Variants in PRTG observed in about 807,000 individuals in gnomAD.
PRTG encodes the protein immunoglobulin superfamily, DCC subclass, member 5.
PRTG carries 67 observed loss-of-function variants against 122.5 expected under a neutral mutation model. The ratio of observed to expected loss-of-function variants is 0.55; its 90% CI spans 0.45 to 0.67. The LOEUF is 0.67. PRTG is among the 30% of genes least tolerant of loss of function. The probability of loss-of-function intolerance (pLI) is 0.00; values close to 1 mark genes in which losing one functional copy is unlikely to be tolerated. For synonymous variants in PRTG, 554 were observed against 501.1 expected (o/e 1.11, Z -1.41); for missense variants, 1,435 against 1,415.4 (o/e 1.01, Z -0.22).
At chr15:55,741,446 G>A (rs2031604488) in intron 1 of PRTG, among the ~76,000 whole-genome samples, 1 of 152,206 alleles carries the variant, frequency 6.6e-6, no homozygotes, top group South Asian at 2.1e-4. Flanking sequence ...AGGGATAGGA[G>A]ATCGCTTAAT....
intron 10 of PRTG, among the ~76,000 whole-genome samples, chr15:55,673,012 A>G (rs2059481655): frequency 6.6e-6 from 1 of 152,194 alleles, no homozygotes; most frequent in Non-Finnish European, 1.5e-5. Context: ...AGAAGGGTCT[A>G]GAATTTTGCA....
chr15:55,628,981 C>T lies in PRTG; in HGVS notation c.2647G>A (p.Glu883Lys). Residue 883 changes from glutamate (E) to lysine (K), a missense_variant, in exon 16 of 20, where the codon GAA becomes AAA. By Grantham distance (56) the Glu-to-Lys change is moderately conservative. Transcript: ENST00000389286. ...REGAITMALL[E>K]NLVAGNVYIV... ...TACACATTTCCTGCTACCAAGTTTT[C>T]TAGCAAAGCCATGGTTATTGCCCCT... is the stretch of plus-strand genomic sequence containing the variant. The T allele has an allele frequency of 6.2e-7, 1 of 1,611,558 alleles. No individual in the cohort carries two copies. Among genetic ancestry groups the T allele is most frequent in the Non-Finnish European group, 8.5e-7 (1 of 1,178,372 alleles).
chr15:55,624,270 G>C, intron 18 of PRTG, 72 bp downstream of exon 18: 2 of 1,360,184 alleles, frequency 1.5e-6, no homozygotes, highest in South Asian at 2.7e-5. Flanking sequence ...AATTTTGGGG[G>C]AAGTACATTT....
Position 55,620,787 on chromosome 15 carries a change from G to C in PRTG, c.3094-20C>G. On this transcript the variant is annotated intron_variant, in intron 18 of 19. Transcript: ENST00000389286. ...TCCTCCCTGAGGAAATAAAAGAGGG[G>C]AAATGTAAAATATCCTGGTATCACA... 6.4e-7 allele frequency: 1 copy of C among 1,566,918 alleles called. No individual in the cohort carries two copies. Among genetic ancestry groups the C allele is most frequent in the Non-Finnish European group, 8.6e-7 (1 of 1,157,808 alleles).
intron 2 of PRTG, among the ~76,000 whole-genome samples, chr15:55,694,126 A>C (rs2059619648): frequency 6.6e-6 from 1 of 152,220 alleles, no homozygotes; most frequent in South Asian, 2.1e-4. Context: ...TCAATGATGA[A>C]ATAATGGGAG....
intron 11 of PRTG, among the ~76,000 whole-genome samples, 188 bp from the exon 12 acceptor site, chr15:55,641,396 C>G (rs1402093519): frequency 6.6e-6 from 1 of 152,136 alleles, no homozygotes; most frequent in African/African-American, 2.4e-5. Flanking sequence ...GACTATCTAC[C>G]AATAATTTAC....
intron 15 of PRTG, among the ~76,000 whole-genome samples, chr15:55,631,545 T>TA (rs1176620106): frequency 5.9e-5 from 9 of 152,332 alleles, no homozygotes; most frequent in African/African-American, 2.2e-4. Flanking sequence ...ATTTCACAAA[T>TA]ACTGAAGTGA....
chr15:55,672,956 C>T (rs1177725758), intron 10 of PRTG, among the ~76,000 whole-genome samples: 3 of 151,992 alleles, frequency 2.0e-5, no homozygotes, highest in Admixed American at 6.6e-5. Context: ...TATTGTCAGC[C>T]AATTAACAAG....
chr15:55,733,991 G>A (rs1449935437), intron 2 of PRTG, among the ~76,000 whole-genome samples: 16 of 152,238 alleles, frequency 1.1e-4, no homozygotes, highest in African/African-American at 3.9e-4. Flanking sequence ...TACTACTTTC[G>A]GAAACATCAG....
chr15:55,646,069 C>T (rs767657683), intron 11 of PRTG, among the ~76,000 whole-genome samples: 16 of 151,848 alleles, frequency 1.1e-4, no homozygotes, highest in African/African-American at 2.9e-4. Context: ...TGCAGTGGTG[C>T]GATCCCAGCT....
intron 11 of PRTG, among the ~76,000 whole-genome samples, chr15:55,667,997 G>C (rs1236666982): frequency 3.3e-5 from 5 of 152,224 alleles, no homozygotes; most frequent in Non-Finnish European, 5.9e-5. Context: ...AGCTGAGGTA[G>C]GAGGATTGCT....
At position 55,617,169 on chromosome 15, in the gene PRTG, C is replaced by G. The variant is rs1308081449; in HGVS notation, c.*2843G>C. The G allele has an allele frequency of 6.6e-6, 1 of 151,778 alleles. No individual in the cohort carries two copies. The highest frequency in any genetic ancestry group is 2.4e-5 in the African/African-American group (1 of 41,342). The allele number at this position is 151,778 out of a possible 1,614,324, so 9.4% of individuals were successfully genotyped here. ...TTGATTTGGTCAAGTAAAAAGAAGT[C>G]TTTGCTGTATTACTAAATATCTTAT... On this transcript the variant is annotated 3_prime_UTR_variant, in exon 20 of 20. Coordinates refer to ENST00000389286, the MANE Select transcript of PRTG (RefSeq NM_173814.6).
In PRTG at chr15:55,621,177, C is replaced by T. The variant is rs557042715; in HGVS notation, c.3094-410G>A. On this transcript the variant is annotated intron_variant, in intron 18 of 19. Transcript: ENST00000389286. Reference sequence around the variant, plus strand: ...GGCCAGCCTGGCCAAGATGGTGAAACCCCGTCTCTACTAAAAATACAAAAA... The same window carrying T: ...GGCCAGCCTGGCCAAGATGGTGAAATCCCGTCTCTACTAAAAATACAAAAA... Among the ~76,000 whole-genome samples the T allele has an allele frequency of 3.3e-5, 5 of 152,082 alleles. No homozygotes were observed. In the South Asian group the frequency reaches 1.0e-3, roughly 32 times the overall value.
chr15:55,711,538 A>G (rs763591792), intron 2 of PRTG, among the ~76,000 whole-genome samples: 8 of 152,008 alleles, frequency 5.3e-5, no homozygotes, highest in Admixed American at 6.6e-5. Flanking sequence ...GTTTGATGCC[A>G]CCCACTCTCC....
intron 11 of PRTG, among the ~76,000 whole-genome samples, chr15:55,670,232 C>T (rs1413882119): frequency 8.1e-5 from 5 of 62,036 alleles, no homozygotes; most frequent in African/African-American, 2.3e-4. Context: ...TCTCTCTAAA[C>T]TTTTCACAAC....
At chr15:55,641,489 T>C (rs1025475111) in intron 11 of PRTG, among the ~76,000 whole-genome samples, 14 of 152,328 alleles carry the variant, frequency 9.2e-5, no homozygotes, top group African/African-American at 3.1e-4. Flanking sequence ...CCTTATCCTC[T>C]TCCTTAAGTG....
chr15:55,702,147 A>G (rs1370883899), intron 2 of PRTG, among the ~76,000 whole-genome samples: 1 of 152,202 alleles, frequency 6.6e-6, no homozygotes, highest in African/African-American at 2.4e-5. Context: ...ATTCTATTTA[A>G]TTTTCTAGCC....
chr15:55,664,006 G>A, intron 11 of PRTG, among the ~76,000 whole-genome samples: 1 of 152,130 alleles, frequency 6.6e-6, no homozygotes, highest in Admixed American at 6.6e-5. Context: ...TATTCCAATT[G>A]TACAGATGTA....
intron 18 of PRTG, among the ~76,000 whole-genome samples, chr15:55,623,705 T>C (rs1049487680): frequency 6.6e-6 from 1 of 152,218 alleles, no homozygotes; most frequent in Admixed American, 6.5e-5. Flanking sequence ...ACGTACAGTA[T>C]CTAAAGTTGT....
Sources: allele counts gnomAD v4.1 joint callset (sites outside exome capture counted in the v4.1 genomes callset), GRCh38; gene constraint gnomAD v4.1.1; transcripts MANE v1.5; gene names NCBI Gene and HGNC (gene_info 2026-07-23, HGNC 2026-07-21).